The following HMGCLL1 variants were observed in gnomAD, a reference collection of about 807,000 sequenced individuals.
HMGCLL1 encodes 3-hydroxymethyl-3-methylglutaryl-CoA lyase, cytoplasmic.
A neutral mutation model predicts 39.1 loss-of-function variants in HMGCLL1; 36 were observed. That is an observed-to-expected ratio of 0.92 (90% CI 0.71 to 1.22). The LOEUF (loss-of-function observed/expected upper bound fraction) is 1.22, where lower values mean the gene tolerates loss of function less well. HMGCLL1 is among the 50% of genes most tolerant of loss of function. The pLI is 0.00. For synonymous variants in HMGCLL1, 149 were observed against 144.0 expected (o/e 1.03, Z -0.25); for missense variants, 451 against 416.5 (o/e 1.08, Z -0.72).
chr6:55,467,325 G>A (rs1581813863), intron 7 of HMGCLL1, among the ~76,000 whole-genome samples: 1 of 151,878 alleles, frequency 6.6e-6, no homozygotes, highest in Admixed American at 6.6e-5. Context: ...ATATTTTCAT[G>A]TTTTTTTGCA....
intron 3 of HMGCLL1, among the ~76,000 whole-genome samples, chr6:55,532,997 C>A (rs1434331391): frequency 6.6e-6 from 1 of 151,318 alleles, no homozygotes; most frequent in Non-Finnish European, 1.5e-5. Flanking sequence ...TTTAATTGTA[C>A]AGTGGAACAG....
intron 5 of HMGCLL1, among the ~76,000 whole-genome samples, chr6:55,500,166 T>C (rs1176395722): frequency 6.6e-6 from 1 of 151,896 alleles, no homozygotes; most frequent in South Asian, 2.1e-4. Context: ...AGATCGAATA[T>C]GGGGGTCACA....
At chr6:55,559,711 G>A (rs1320070061) in intron 1 of HMGCLL1, among the ~76,000 whole-genome samples, 2 of 152,070 alleles carry the variant, frequency 1.3e-5, no homozygotes, top group African/African-American at 4.8e-5. Context: ...CTAATTCTTC[G>A]ATGTGCAGAG....
chr6:55,593,944 G>A, the HMGCLL1 span, among the ~76,000 whole-genome samples: 5 of 152,038 alleles, frequency 3.3e-5, no homozygotes, highest in African/African-American at 9.7e-5. Context: ...AAACCTAAAC[G>A]GTTTGGGACC....
the HMGCLL1 span, among the ~76,000 whole-genome samples, chr6:55,608,280 T>C: frequency 4.9e-4 from 75 of 152,316 alleles, no homozygotes; most frequent in African/African-American, 1.7e-3. Context: ...ACATATATCG[T>C]CTTTAAAGAA....
the HMGCLL1 span, among the ~76,000 whole-genome samples, chr6:55,613,946 T>A: frequency 2.0e-5 from 3 of 152,122 alleles, no homozygotes; most frequent in East Asian, 3.9e-4. Context: ...AATAAAATTT[T>A]AAAAAAGAAA....
chr6:55,614,064 C>T, the HMGCLL1 span, among the ~76,000 whole-genome samples: 3 of 151,886 alleles, frequency 2.0e-5, no homozygotes, highest in African/African-American at 7.3e-5. Context: ...TCTAAAATAT[C>T]CACATTTCCT....
intron 1 of HMGCLL1, among the ~76,000 whole-genome samples, chr6:55,560,682 A>G (rs1770904324): frequency 6.6e-6 from 1 of 152,038 alleles, no homozygotes; most frequent in African/African-American, 2.4e-5. Flanking sequence ...ATGACTCCCC[A>G]TGGGCTTCAC....
the HMGCLL1 span, among the ~76,000 whole-genome samples, chr6:55,613,573 AG>A: frequency 6.6e-6 from 1 of 152,198 alleles, no homozygotes; most frequent in Non-Finnish European, 1.5e-5. Context: ...GACTGGATAA[AG>A]AAAATGGAAT....
the HMGCLL1 span, among the ~76,000 whole-genome samples, chr6:55,588,367 A>G: frequency 2.0e-5 from 3 of 152,160 alleles, no homozygotes; most frequent in African/African-American, 7.2e-5. Flanking sequence ...GAGAAAAAAG[A>G]CACAACATAC....
intron 3 of HMGCLL1, among the ~76,000 whole-genome samples, chr6:55,519,502 A>C (rs1443218604): frequency 6.6e-6 from 1 of 152,146 alleles, no homozygotes; most frequent in Non-Finnish European, 1.5e-5. Context: ...TGCTATTTAG[A>C]GTGTGAGTAC....
intron 1 of HMGCLL1, among the ~76,000 whole-genome samples, chr6:55,548,541 T>C (rs1770121708): frequency 1.3e-5 from 2 of 152,152 alleles, no homozygotes; most frequent in South Asian, 2.1e-4. Flanking sequence ...GGTAAGATCA[T>C]CTAAAATTGT....
At chr6:55,667,420 A>G in the HMGCLL1 span, among the ~76,000 whole-genome samples, 1 of 151,814 alleles carries the variant, frequency 6.6e-6, no homozygotes, top group Non-Finnish European at 1.5e-5. Flanking sequence ...ATAGGATTGG[A>G]ACGGATATTA....
intron 1 of HMGCLL1, among the ~76,000 whole-genome samples, chr6:55,574,648 T>C (rs1462901944): frequency 3.3e-5 from 5 of 151,752 alleles, no homozygotes; most frequent in Non-Finnish European, 7.4e-5. Context: ...ATGAGACAAA[T>C]AGAAAACAGT....
At chr6:55,497,320 C>G (rs1766633461) in intron 6 of HMGCLL1, among the ~76,000 whole-genome samples, 1 of 149,696 alleles carries the variant, frequency 6.7e-6, no homozygotes, top group Admixed American at 6.6e-5. Flanking sequence ...TTACTCTGTT[C>G]TTAAAAAAAA....
chr6:55,554,484 AC>A (rs1275274046), intron 1 of HMGCLL1, among the ~76,000 whole-genome samples: 1 of 152,148 alleles, frequency 6.6e-6, no homozygotes, highest in African/African-American at 2.4e-5. Flanking sequence ...CCTTTAAGCA[AC>A]CCAGTTATTC....
At chr6:55,460,130 CT>C (rs1444404258) in intron 7 of HMGCLL1, among the ~76,000 whole-genome samples, 1 of 151,942 alleles carries the variant, frequency 6.6e-6, no homozygotes, top group African/African-American at 2.4e-5. Context: ...TTTGAACCAT[CT>C]AATGAATGCA....
At chr6:55,490,003 A>C (rs1766228922) in intron 7 of HMGCLL1, among the ~76,000 whole-genome samples, 1 of 152,132 alleles carries the variant, frequency 6.6e-6, no homozygotes. Context: ...AATTTCAAGA[A>C]AATGAAGCAG....
chr6:55,477,404 TCTA>T (rs1349648876), intron 7 of HMGCLL1, among the ~76,000 whole-genome samples: 2 of 27,974 alleles, frequency 7.1e-5, no homozygotes, highest in East Asian at 1.3e-3. Context: ...ATATATATTA[TCTA>T]AATATATATT....
Sources: gnomAD v4.1 joint callset for allele counts (sites outside exome capture counted in the v4.1 genomes callset) on GRCh38, gnomAD v4.1.1 for gene constraint, MANE v1.5 for transcripts, NCBI Gene and HGNC (gene_info 2026-07-23, HGNC 2026-07-21) for gene names.